The following FAM240A variants were observed in gnomAD, a reference collection of about 807,000 sequenced individuals.
FAM240A encodes the protein family with sequence similarity 240 member A, also known as protein FAM240A.
Under a neutral mutation model 7.3 loss-of-function variants are expected in FAM240A, and 8 were observed. That is an observed-to-expected ratio of 1.09 (90% CI 0.64 to 1.97). FAM240A has a LOEUF of 1.97. Among genes scored for constraint, FAM240A ranks in the 30% most tolerant of loss-of-function variants. The probability of loss-of-function intolerance (pLI) is 0.00; values close to 1 mark genes in which losing one functional copy is unlikely to be tolerated. For missense variants in FAM240A, 90 were observed against 102.2 expected (o/e 0.88, Z 0.52); for synonymous variants, 32 against 35.9 (o/e 0.89, Z 0.38).
chr3:46,616,365 G>A (rs574254175), intron 1 of FAM240A, among the ~76,000 whole-genome samples: 3 of 152,196 alleles, frequency 2.0e-5, no homozygotes, highest in South Asian at 4.2e-4. Flanking sequence ...AATAGCTTTA[G>A]GAGTACAAGT....
At chr3:46,620,848 A>G (rs2107145648) in intron 2 of FAM240A, among the ~76,000 whole-genome samples, 1 of 152,366 alleles carries the variant, frequency 6.6e-6, no homozygotes, top group Middle Eastern at 3.4e-3. Context: ...GATGATATCA[A>G]GTACCTCTGG....
At position 46,612,694 on chromosome 3, in the gene FAM240A, T is replaced by G; in HGVS notation, c.11T>G (p.Phe4Cys). Residue 4 changes from phenylalanine to cysteine, a missense_variant, in exon 1 of 3, where the codon TTC (phenylalanine) becomes TGC (cysteine). Coordinates refer to ENST00000640551, the MANE Select transcript of FAM240A (RefSeq NM_001195442.2). ...TCTTCACATCCCTTCATGCGGTTGTTCTCTGTAAGTGTTAATTAATTTGTT... is the reference window on the plus strand; with the variant it reads ...TCTTCACATCCCTTCATGCGGTTGTGCTCTGTAAGTGTTAATTAATTTGTT... MRL[F>C]SGMNNQYTRR... 6.5e-7 allele frequency: 1 copy of G among 1,535,228 alleles called. No homozygotes were observed. Among genetic ancestry groups the G allele is most frequent in the South Asian group, 1.2e-5 (1 of 84,046 alleles).
intron 2 of FAM240A, among the ~76,000 whole-genome samples, chr3:46,624,727 G>A (rs1443085681): frequency 6.6e-6 from 1 of 152,012 alleles, no homozygotes; most frequent in Admixed American, 6.5e-5. Context: ...AACATGTCAT[G>A]TAGTGACAGT....
At chr3:46,615,149 C>A (rs1489045838) in intron 1 of FAM240A, among the ~76,000 whole-genome samples, 1 of 152,136 alleles carries the variant, frequency 6.6e-6, no homozygotes, top group Non-Finnish European at 1.5e-5. Context: ...TGGCTTCAAA[C>A]CCCTTTCTCC....
intron 2 of FAM240A, among the ~76,000 whole-genome samples, chr3:46,620,137 C>G (rs1434647485): frequency 1.3e-5 from 2 of 151,886 alleles, no homozygotes; most frequent in Non-Finnish European, 2.9e-5. Flanking sequence ...TCTTCCCATG[C>G]TAGTCCTTGA....
intron 2 of FAM240A, among the ~76,000 whole-genome samples, chr3:46,619,066 T>C (rs1697667927): frequency 6.6e-6 from 1 of 152,124 alleles, no homozygotes; most frequent in South Asian, 2.1e-4. Context: ...GGCTCTGCTC[T>C]AATTAATACT....
chr3:46,616,824 T>C (rs941166865), intron 1 of FAM240A, among the ~76,000 whole-genome samples: 8 of 152,070 alleles, frequency 5.3e-5, no homozygotes, highest in Non-Finnish European at 1.0e-4. Flanking sequence ...AACAAACACA[T>C]TCAGGTGTCT....
At chr3:46,614,849 A>T (rs1697610164) in intron 1 of FAM240A, among the ~76,000 whole-genome samples, 1 of 152,230 alleles carries the variant, frequency 6.6e-6, no homozygotes, top group Non-Finnish European at 1.5e-5. Flanking sequence ...ATAAAGATTC[A>T]CACTTATTCA....
At chr3:46,614,822 C>T (rs1199376176) in intron 1 of FAM240A, among the ~76,000 whole-genome samples, 2 of 152,160 alleles carry the variant, frequency 1.3e-5, no homozygotes, top group African/African-American at 4.8e-5. Context: ...AAGCCATACA[C>T]TCAATATTGT....
intron 1 of FAM240A, among the ~76,000 whole-genome samples, chr3:46,613,674 A>G (rs1467206752): frequency 6.6e-6 from 1 of 151,946 alleles, no homozygotes; most frequent in Non-Finnish European, 1.5e-5. Context: ...AGGTCTCTGC[A>G]CAGGTCACTT....
At chr3:46,622,530 G>A (rs1394532038) in intron 2 of FAM240A, among the ~76,000 whole-genome samples, 3 of 152,132 alleles carry the variant, frequency 2.0e-5, no homozygotes, top group African/African-American at 7.2e-5. Context: ...TTTACATTTA[G>A]ATTAATAATA....
intron 2 of FAM240A, 146 bp from the exon 3 acceptor site, chr3:46,624,982 T>TATATATATATATATATATATATATATATA (rs1697740367): frequency 4.4e-6 from 1 of 227,952 alleles, no homozygotes; most frequent in African/African-American, 2.3e-5. Flanking sequence ...TATATATATA[T>TATATATATATATATATATATATATATATA]TTAAACTTGC....
In FAM240A at chr3:46,618,765, G is replaced by A. The variant is rs111405904; in HGVS notation, c.161+1437G>A. 9.6e-3 allele frequency among the ~76,000 whole-genome samples: 1,454 copies of A among 151,758 alleles called. 15 individuals carry two copies. Among genetic ancestry groups the A allele is most frequent in the Non-Finnish European group, 0.013 (868 of 67,934 alleles). On this transcript the variant is annotated intron_variant, in intron 2 of 2. Coordinates refer to ENST00000640551, the MANE Select transcript of FAM240A (RefSeq NM_001195442.2). ...TGAGGCAGGAGAATCACTTGAACCCGGGAGGCAGAGGTTGTGGTGAGCCGA... is the reference window on the plus strand; with the variant it reads ...TGAGGCAGGAGAATCACTTGAACCCAGGAGGCAGAGGTTGTGGTGAGCCGA...
intron 2 of FAM240A, among the ~76,000 whole-genome samples, chr3:46,618,974 G>C (rs1357801101): frequency 6.6e-6 from 1 of 151,612 alleles, no homozygotes; most frequent in Non-Finnish European, 1.5e-5. Context: ...TAAACTTTCT[G>C]GTTGATAGGG....
chr3:46,618,427 A>C (rs1697654305), intron 2 of FAM240A, among the ~76,000 whole-genome samples: 2 of 152,210 alleles, frequency 1.3e-5, no homozygotes, highest in South Asian at 4.1e-4. Flanking sequence ...AAAAGGCTTC[A>C]GGTGAAGTGA....
At chr3:46,616,373 A>G (rs1416707437) in intron 1 of FAM240A, among the ~76,000 whole-genome samples, 1 of 152,080 alleles carries the variant, frequency 6.6e-6, no homozygotes, top group East Asian at 1.9e-4. Flanking sequence ...TAGGAGTACA[A>G]GTGGGTTTTG....
intron 1 of FAM240A, among the ~76,000 whole-genome samples, chr3:46,613,292 G>C (rs1697588080): frequency 6.6e-6 from 1 of 152,054 alleles, no homozygotes; most frequent in Non-Finnish European, 1.5e-5. Context: ...TCAGGAGTTT[G>C]AGACCAGCCT....
At chr3:46,613,958 C>T (rs915455930) in intron 1 of FAM240A, among the ~76,000 whole-genome samples, 4 of 152,028 alleles carry the variant, frequency 2.6e-5, no homozygotes, top group Admixed American at 6.6e-5. Context: ...TCGCTTTGTC[C>T]CCCAGGCTGG....
chr3:46,624,929 C>T (rs1227213147), intron 2 of FAM240A, among the ~76,000 whole-genome samples, 199 bp from the exon 3 acceptor site: 1 of 148,838 alleles, frequency 6.7e-6, no homozygotes, highest in Admixed American at 6.7e-5. Flanking sequence ...AGCCTGTTTA[C>T]TCTTACTTAT....
Sources: allele counts gnomAD v4.1 joint callset (sites outside exome capture counted in the v4.1 genomes callset), GRCh38; gene constraint gnomAD v4.1.1; transcripts MANE v1.5; gene names NCBI Gene and HGNC (gene_info 2026-07-23, HGNC 2026-07-21).